The following NR1D2 variants were observed in gnomAD, a reference collection of about 807,000 sequenced individuals.
NR1D2 encodes nuclear receptor subfamily 1 group D member 2, also known as V-erbA-related protein 1-related.
Under a neutral mutation model 52.2 loss-of-function variants are expected in NR1D2, and 25 were observed. The ratio of observed to expected loss-of-function variants is 0.48; its 90% confidence interval spans 0.35 to 0.67. The LOEUF is 0.67. Ranked by LOEUF, NR1D2 falls within the 30% of genes least tolerant of loss-of-function variation. The pLI, the probability that NR1D2 is intolerant of heterozygous loss-of-function variation, is 0.01. For missense variants in NR1D2, 681 were observed against 707.2 expected (o/e 0.96, Z 0.42); for synonymous variants, 259 against 230.1 (o/e 1.13, Z -1.14).
At chr3:23,966,293 T>TAAGTAATA (rs1298753876) in intron 6 of NR1D2, among the ~76,000 whole-genome samples, 162 of 152,368 alleles carry the variant, frequency 1.1e-3, no homozygotes, top group African/African-American at 3.6e-3. Context: ...GTGAGATAAC[T>TAAGTAATA]AAGTAATATA....
At chr3:23,959,946 C>T (rs1414264304) in intron 4 of NR1D2, 131 bp downstream of exon 4, 28 of 774,510 alleles carry the variant, frequency 3.6e-5, no homozygotes, top group South Asian at 2.6e-5. Flanking sequence ...AACATATTTT[C>T]ATGCTTTACA....
chr3:23,964,082 CT>C (rs546330405), intron 5 of NR1D2, among the ~76,000 whole-genome samples: 121 of 139,648 alleles, frequency 8.7e-4, no homozygotes, highest in Non-Finnish European at 9.9e-4. Flanking sequence ...ACTTTTTTTT[CT>C]TTTTTTTTTT....
At chr3:23,966,340 A>G (rs1706450772) in intron 6 of NR1D2, among the ~76,000 whole-genome samples, 1 of 152,266 alleles carries the variant, frequency 6.6e-6, no homozygotes, top group South Asian at 2.1e-4. Context: ...CAATTATAAC[A>G]TGGTGCTTAG....
intron 7 of NR1D2, among the ~76,000 whole-genome samples, chr3:23,972,321 A>T (rs1445123787): frequency 6.6e-6 from 1 of 152,238 alleles, no homozygotes; most frequent in East Asian, 1.9e-4. Context: ...AACTCCCATT[A>T]GTCTGGCTTC....
chr3:23,967,336 C>G (rs1048890229), intron 6 of NR1D2, among the ~76,000 whole-genome samples: 4 of 151,722 alleles, frequency 2.6e-5, no homozygotes, highest in Non-Finnish European at 5.9e-5. Context: ...AAAATAAAAT[C>G]TGGCATGGTG....
intron 1 of NR1D2, chr3:23,946,059 CCG>C (rs988825745): frequency 3.1e-6 from 3 of 973,998 alleles, no homozygotes; most frequent in Admixed American, 1.2e-4. Flanking sequence ...GCTGGGAGCG[CCG>C]CAGCCTCCCG....
At chr3:23,965,213 T>C in intron 6 of NR1D2, 51 bp downstream of exon 6, 2 of 1,246,008 alleles carry the variant, frequency 1.6e-6, no homozygotes, top group Non-Finnish European at 2.2e-6. Flanking sequence ...TGTAGTATTT[T>C]ATTTTCATGG....
At chr3:23,963,521 C>G (rs1430353878) in intron 5 of NR1D2, 2 of 380,102 alleles carry the variant, frequency 5.3e-6, no homozygotes, top group East Asian at 1.7e-4. Flanking sequence ...GCGACCTCAG[C>G]TCATTGCAAC....
chr3:23,959,601 G>A (rs1173242545), intron 3 of NR1D2, 70 bp from the exon 4 acceptor site: 7 of 1,454,360 alleles, frequency 4.8e-6, no homozygotes, highest in Middle Eastern at 2.3e-4. Context: ...AGATAGGTAT[G>A]GGAGCAGTGT....
chr3:23,962,256 T>C lies in NR1D2; in HGVS notation c.797T>C (p.Met266Thr). Residue 266 changes from methionine (M) to threonine (T), a missense_variant, in exon 5 of 8, where the codon ATG becomes ACG. This residue lies in a region of NR1D2 where 475 missense variants were observed against 454.5 expected (regional missense o/e 1.05). Coordinates refer to ENST00000312521, the MANE Select transcript of NR1D2 (RefSeq NM_005126.5). ...ACCAGAGCTCACAAGGATACCTTTA[T>C]GTATAATCAAGAGCAGCAAGAAAAC... ...MVTRAHKDTFMYNQEQQENSA... is the reference protein window; with the variant it reads ...MVTRAHKDTFTYNQEQQENSA... 6.2e-7 allele frequency: 1 copy of C among 1,614,176 alleles called. No homozygotes were observed.
At chr3:23,970,927 A>G (rs1303213716) in intron 7 of NR1D2, among the ~76,000 whole-genome samples, 1 of 152,074 alleles carries the variant, frequency 6.6e-6, no homozygotes, top group African/African-American at 2.4e-5. Flanking sequence ...GATTACAGGC[A>G]TGCACTACTA....
In NR1D2 at chr3:23,978,877, A is replaced by G. The variant is rs1706808212; in HGVS notation, c.*1458A>G. The stretch of plus-strand genomic sequence containing the variant: ...ATCCACATTTCTAATAGTGGACTTG[A>G]TTAAGTAGATAAGATCAGCATCTGT... On this transcript the variant is annotated 3_prime_UTR_variant, in exon 8 of 8. Coordinates refer to ENST00000312521, the MANE Select transcript of NR1D2 (RefSeq NM_005126.5). 6.6e-6 allele frequency: 1 copy of G among 152,128 alleles called. No individual in the cohort carries two copies. Among genetic ancestry groups the G allele is most frequent in the South Asian group, 2.1e-4 (1 of 4,830 alleles). 9.4% of individuals were successfully genotyped at this position (152,128 alleles called of 1,614,324 possible).
chr3:23,976,960 A>G (rs76481418), intron 7 of NR1D2, among the ~76,000 whole-genome samples: 9 of 152,124 alleles, frequency 5.9e-5, no homozygotes, highest in South Asian at 2.1e-4. Context: ...CAGAACCTCT[A>G]TGTTCTTGTG....
intron 6 of NR1D2, among the ~76,000 whole-genome samples, chr3:23,966,628 G>C (rs1706456974): frequency 6.6e-6 from 1 of 152,202 alleles, no homozygotes; most frequent in South Asian, 2.1e-4. Flanking sequence ...TTGCATTTCA[G>C]AATCTTTGTT....
At chr3:23,962,916 A>G (rs1476763475) in intron 5 of NR1D2, among the ~76,000 whole-genome samples, 1 of 152,016 alleles carries the variant, frequency 6.6e-6, no homozygotes, top group Non-Finnish European at 1.5e-5. Flanking sequence ...AAATTTAAGC[A>G]TTCTGGTTAA....
intron 5 of NR1D2, chr3:23,963,397 G>C: frequency 9.7e-6 from 12 of 1,239,950 alleles, no homozygotes; most frequent in Non-Finnish European, 1.2e-5. Context: ...TAAAATTTTT[G>C]TTGTCACTTG....
At chr3:23,962,930 G>C (rs1008581720) in intron 5 of NR1D2, among the ~76,000 whole-genome samples, 8 of 151,542 alleles carry the variant, frequency 5.3e-5, no homozygotes, top group Admixed American at 2.6e-4. Context: ...TGGTTAATTA[G>C]TACCTTACTA....
chr3:23,968,331 T>C (rs1706504212), intron 7 of NR1D2, among the ~76,000 whole-genome samples: 1 of 152,264 alleles, frequency 6.6e-6, no homozygotes, highest in African/African-American at 2.4e-5. Context: ...TAGAACATTA[T>C]GTATCTCCAG....
chr3:23,965,414 GT>G (rs199916460), intron 6 of NR1D2, among the ~76,000 whole-genome samples: 73 of 132,846 alleles, frequency 5.5e-4, no homozygotes, highest in Admixed American at 8.3e-4. Context: ...AATTTTTTTT[GT>G]TTTTTTTTTT....
Sources: gnomAD v4.1 joint callset for allele counts (sites outside exome capture counted in the v4.1 genomes callset) on GRCh38, gnomAD v4.1.1 for gene constraint, gnomAD v4.1.1 regional missense constraint, MANE v1.5 for transcripts, NCBI Gene and HGNC (gene_info 2026-07-23, HGNC 2026-07-21) for gene names.